The following HIVEP2 variants were observed in gnomAD, a reference collection of about 807,000 sequenced individuals.
HIVEP2 encodes HIVEP zinc finger 2.
A neutral mutation model predicts 180.7 loss-of-function variants in HIVEP2; 14 were observed. The ratio of observed to expected loss-of-function variants is 0.08; its 90% CI spans 0.05 to 0.12. The LOEUF is 0.12. Among genes scored for constraint, HIVEP2 ranks in the 10% least tolerant of loss-of-function variants. HIVEP2 has a pLI of 1.00. For synonymous variants in HIVEP2, 1,184 were observed against 1,136.4 expected, an observed-to-expected ratio of 1.04 and a Z score of -0.84; for missense variants, 2,579 against 3,008.5, an observed-to-expected ratio of 0.86 and a Z score of 3.34.
chr6:142,845,568 T>C (rs1402817067), intron 1 of HIVEP2, among the ~76,000 whole-genome samples: 1 of 152,226 alleles, frequency 6.6e-6, no homozygotes, highest in East Asian at 1.9e-4. Context: ...TTACCAGAAG[T>C]TACAGAGTTA....
At chr6:142,813,689 C>T (rs1582882447) in intron 2 of HIVEP2, among the ~76,000 whole-genome samples, 2 of 151,516 alleles carry the variant, frequency 1.3e-5, no homozygotes, top group Non-Finnish European at 2.9e-5. Flanking sequence ...AATCTTCCCA[C>T]CTCAGCCTCC....
chr6:142,774,761 G>A lies in HIVEP2; in HGVS notation c.-23C>T. The A allele has an allele frequency of 6.2e-7, 1 of 1,607,388 alleles. No individual in the cohort carries two copies. The highest frequency in any genetic ancestry group is 8.5e-7 in the Non-Finnish European group (1 of 1,176,370). On this transcript the variant is annotated 5_prime_UTR_variant, in exon 5 of 10. Transcript: ENST00000367603. This position sits in a 1 kb window ranked among gnomAD's most constrained non-coding sequence, Gnocchi z 5.1. ...CATTTTGTTACACAAGGTCTTAAGT[G>A]CTAGTTCCCCTGAAAGCAGTGCAGA...
intron 1 of HIVEP2, among the ~76,000 whole-genome samples, chr6:142,850,071 C>T (rs1775611012): frequency 6.6e-6 from 1 of 152,080 alleles, no homozygotes; most frequent in Admixed American, 6.5e-5. Flanking sequence ...TATAAATGTT[C>T]CTCGTGAAAG....
chr6:142,821,423 G>A (rs756661062), intron 2 of HIVEP2, among the ~76,000 whole-genome samples: 25 of 152,294 alleles, frequency 1.6e-4, no homozygotes, highest in Non-Finnish European at 2.5e-4. Flanking sequence ...ATGGACCATG[G>A]AGCCAGAATA....
At chr6:142,830,783 T>C (rs577001687) in intron 2 of HIVEP2, among the ~76,000 whole-genome samples, 1 of 152,136 alleles carries the variant, frequency 6.6e-6, no homozygotes, top group African/African-American at 2.4e-5. Context: ...AAAAGTGATA[T>C]TCAAACTCCA....
chr6:142,772,797 ACTT>A lies in HIVEP2; in HGVS notation c.1939_1941del (p.Lys647del). 1 of 1,614,120 alleles carries A rather than the reference ACTT, an allele frequency of 6.2e-7. No individual in the cohort carries two copies. ...TGCTTTGGTGTTTCAGAGTCCTCCC[ACTT>A]CTTATAGGGTTTCCGACAGACATCA... On this transcript the variant is annotated inframe_deletion, in exon 5 of 10. Coordinates refer to ENST00000367603, the MANE Select transcript of HIVEP2 (RefSeq NM_006734.4). The surrounding 1 kb of genome is among the most constrained non-coding windows in gnomAD (Gnocchi z 4.9).
intron 2 of HIVEP2, among the ~76,000 whole-genome samples, chr6:142,793,664 T>TC: frequency 8.0e-6 from 1 of 124,312 alleles, no homozygotes; most frequent in African/African-American, 3.2e-5. Context: ...TTCTTTTTTC[T>TC]TTCTTTCTTT....
chr6:142,821,402 T>C (rs1227426091), intron 2 of HIVEP2, among the ~76,000 whole-genome samples: 1 of 152,222 alleles, frequency 6.6e-6, no homozygotes, highest in Non-Finnish European at 1.5e-5. Context: ...TGTAGCATAG[T>C]GGCCCAGATC....
At position 142,771,279 on chromosome 6, in the gene HIVEP2, C is replaced by T. The variant is rs191092349; in HGVS notation, c.3460G>A (p.Ala1154Thr). 197 of 1,613,746 alleles carry T rather than the reference C, an allele frequency of 1.2e-4. No homozygotes were observed. In the African/African-American group the frequency reaches 1.7e-3, roughly 14 times the overall value. Reference protein sequence around the residue: ...PPLSSGPLHLAQPQIMHMDSQ... With the variant: ...PPLSSGPLHLTQPQIMHMDSQ... ...TCCATGTGCATGATCTGTGGCTGGG[C>T]CAGGTGCAGTGGCCCCGAGCTCAGC... The change falls in exon 5 of 10, where the codon GCC becomes ACC. Residue 1154 changes from alanine (A) to threonine (T), a missense_variant. Coordinates refer to ENST00000367603, the MANE Select transcript of HIVEP2 (RefSeq NM_006734.4). This position sits in a 1 kb window ranked among gnomAD's most constrained non-coding sequence, Gnocchi z 5.4.
chr6:142,820,145 A>T (rs1050056406), intron 2 of HIVEP2, among the ~76,000 whole-genome samples: 1 of 152,182 alleles, frequency 6.6e-6, no homozygotes, highest in African/African-American at 2.4e-5. Context: ...TGATGGAAAC[A>T]TTGTCATACT....
At chr6:142,862,676 A>G (rs1056934459) in intron 1 of HIVEP2, among the ~76,000 whole-genome samples, 23 of 142,712 alleles carry the variant, frequency 1.6e-4, no homozygotes, top group Middle Eastern at 0.01. Context: ...ATTGTGTACT[A>G]TATCTATTAC....
chr6:142,936,502 C>A (rs748659876), intron 1 of HIVEP2, among the ~76,000 whole-genome samples: 9 of 151,962 alleles, frequency 5.9e-5, no homozygotes, highest in Non-Finnish European at 4.4e-5. Flanking sequence ...GCACCTAATT[C>A]TACTAATTCT....
chr6:142,767,569 T>C (rs1280116272), intron 6 of HIVEP2, among the ~76,000 whole-genome samples: 2 of 152,242 alleles, frequency 1.3e-5, no homozygotes, highest in Non-Finnish European at 2.9e-5. Context: ...GAGATAAGGC[T>C]AATTACATCA....
At chr6:142,870,562 T>C (rs1776266107) in intron 1 of HIVEP2, among the ~76,000 whole-genome samples, 1 of 152,148 alleles carries the variant, frequency 6.6e-6, no homozygotes, top group African/African-American at 2.4e-5. Context: ...TCAGATAGAA[T>C]CCACAACAGT....
rs74710284 is a variant in HIVEP2 at position 142,927,963 on chromosome 6, T to C, written c.-641+17136A>G. 3.0e-3 allele frequency among the ~76,000 whole-genome samples: 464 copies of C among 152,362 alleles called. 1 individual carries two copies. The highest frequency in any genetic ancestry group is 0.01 in the African/African-American group (435 of 41,588). On this transcript the variant is annotated intron_variant, in intron 1 of 9. Transcript: ENST00000367603. The stretch of plus-strand genomic sequence containing the variant: ...CGTCAACTACAAAACAAATTGTAGA[T>C]TCTGTTCTCATGGTGAACAAACATT...
intron 2 of HIVEP2, among the ~76,000 whole-genome samples, chr6:142,793,663 C>CTTTTTTT (rs1554279279): frequency 1.8e-5 from 2 of 109,476 alleles, no homozygotes; most frequent in East Asian, 3.6e-4. Flanking sequence ...TTTCTTTTTT[C>CTTTTTTT]TTTCTTTCTT....
intron 2 of HIVEP2, among the ~76,000 whole-genome samples, chr6:142,822,542 T>C (rs1777068068): frequency 6.6e-6 from 1 of 152,204 alleles, no homozygotes; most frequent in African/African-American, 2.4e-5. Flanking sequence ...CATTTGTTGC[T>C]TACATGAATA....
chr6:142,759,974 A>T lies in HIVEP2; in HGVS notation c.6314T>A (p.Val2105Asp). 6.2e-7 allele frequency: 1 copy of T among 1,613,734 alleles called. No homozygotes were observed. Residue 2105 changes from valine to aspartate, a missense_variant, in exon 9 of 10, where the codon GTT becomes GAT. Around this residue, in one of 11 missense-constraint regions of HIVEP2, gnomAD observed 660 missense variants for 731.7 expected, o/e 0.90. Coordinates refer to ENST00000367603, the MANE Select transcript of HIVEP2 (RefSeq NM_006734.4). ...TGGAGACAAATGCCTTCTTGGTGAA[A>T]CATCTCTTTGGGACATCTCTCTTCT... ...ALRREMSQRDVSPRRHLSPRR... is the reference protein window; with the variant it reads ...ALRREMSQRDDSPRRHLSPRR...
chr6:142,831,403 G>A (rs913720086), intron 2 of HIVEP2, among the ~76,000 whole-genome samples: 33 of 152,194 alleles, frequency 2.2e-4, no homozygotes, highest in African/African-American at 7.9e-4. Context: ...AGTGACTGCT[G>A]CCCCCCACCC....
Sources: gnomAD v4.1 joint callset for allele counts (sites outside exome capture counted in the v4.1 genomes callset) on GRCh38, gnomAD v4.1.1 for gene constraint, gnomAD v4.1.1 regional missense constraint, Gnocchi (gnomAD v3.1) non-coding constraint, MANE v1.5 for transcripts, NCBI Gene and HGNC (gene_info 2026-07-23, HGNC 2026-07-21) for gene names.